Variants in SSBP2 observed in about 807,000 individuals in gnomAD.
The protein encoded by SSBP2 is single stranded DNA binding protein 2.
SSBP2 carries 17 observed loss-of-function variants against 61.8 expected under a neutral mutation model. That is an observed-to-expected ratio of 0.28 (90% confidence interval 0.19 to 0.41). SSBP2 has a LOEUF of 0.41. SSBP2 is among the 10% of genes least tolerant of loss of function. The pLI, the probability that SSBP2 is intolerant of heterozygous loss-of-function variation, is 1.00. For synonymous variants in SSBP2, 139 were observed against 141.3 expected (o/e 0.98, Z 0.12); for missense variants, 310 against 458.7 (o/e 0.68, Z 2.96).
intron 4 of SSBP2, among the ~76,000 whole-genome samples, chr5:81,531,228 G>A (rs1561508140): frequency 8.4e-6 from 1 of 118,666 alleles, no homozygotes; most frequent in Non-Finnish European, 1.7e-5. Context: ...GACCCTGTCT[G>A]GAAAAAAAAA....
chr5:81,643,249 A>T (rs1031732620), intron 2 of SSBP2, among the ~76,000 whole-genome samples: 1 of 152,178 alleles, frequency 6.6e-6, no homozygotes, highest in African/African-American at 2.4e-5. Context: ...GCAGATCCAG[A>T]CCCACTTCCA....
chr5:81,629,763 A>G (rs1747522962), intron 3 of SSBP2, among the ~76,000 whole-genome samples: 2 of 152,206 alleles, frequency 1.3e-5, no homozygotes, highest in South Asian at 4.1e-4. Context: ...TGAAGTTTTG[A>G]TATACATATA....
At chr5:81,601,862 A>G (rs1174628583) in intron 4 of SSBP2, among the ~76,000 whole-genome samples, 2 of 152,182 alleles carry the variant, frequency 1.3e-5, no homozygotes, top group Non-Finnish European at 2.9e-5. Flanking sequence ...CCTGTGAACT[A>G]AAGACACAAA....
In SSBP2 at chr5:81,531,901, C is replaced by T. The variant is rs188131413; in HGVS notation, c.283-18184G>A. Among the ~76,000 whole-genome samples, 437 of 152,152 alleles carry T rather than the reference C, an allele frequency of 2.9e-3. 3 individuals are homozygous for T. Among genetic ancestry groups the T allele is most frequent in the African/African-American group, 0.01 (418 of 41,542 alleles). On this transcript the variant is annotated intron_variant, in intron 4 of 16. Coordinates refer to ENST00000320672, the MANE Select transcript of SSBP2 (RefSeq NM_012446.5). ...GTAAGGAGGATGAGATTATCATCAC[C>T]TACTGGAGAAGAAAGCAGAAATGAG...
chr5:81,715,778 G>A (rs73137678), intron 1 of SSBP2, among the ~76,000 whole-genome samples: 6,803 of 152,232 alleles, frequency 0.045, 197 homozygotes, highest in East Asian at 0.12. Context: ...TAGATGGCCA[G>A]GTGCAGTGTG....
chr5:81,432,975 A>G (rs1262972071), intron 15 of SSBP2, among the ~76,000 whole-genome samples: 1 of 96,372 alleles, frequency 1.0e-5, no homozygotes, highest in Non-Finnish European at 2.2e-5. Flanking sequence ...CCCGTCCGGG[A>G]GGGAGGTGGG....
intron 4 of SSBP2, among the ~76,000 whole-genome samples, chr5:81,573,871 T>C (rs532200367): frequency 6.6e-6 from 1 of 152,318 alleles, no homozygotes; most frequent in Non-Finnish European, 1.5e-5. Flanking sequence ...CCAGGCGCAG[T>C]GGCTCATGCC....
rs1761505764 is a variant in SSBP2 at position 81,420,126 on chromosome 5, A to G, written c.*378T>C. ...TAAACGTGAAAAAAAGGATGGAATAAAAGTCCCTACTTATTTCTACTTAAG... is the reference window on the plus strand; with the variant it reads ...TAAACGTGAAAAAAAGGATGGAATAGAAGTCCCTACTTATTTCTACTTAAG... On this transcript the variant is annotated 3_prime_UTR_variant, in exon 17 of 17. Transcript: ENST00000320672. 2 of 180,550 alleles carry G rather than the reference A, an allele frequency of 1.1e-5. No homozygotes were observed. The highest frequency in any genetic ancestry group is 2.3e-5 in the Non-Finnish European group (2 of 86,956). 11.2% of individuals were successfully genotyped at this position (180,550 alleles called of 1,614,324 possible). A position where few individuals can be genotyped will look rare whatever the true frequency, so the allele number is the denominator to read the frequency against.
chr5:81,694,237 A>G (rs1272625742), intron 1 of SSBP2, among the ~76,000 whole-genome samples: 1 of 152,248 alleles, frequency 6.6e-6, no homozygotes, highest in South Asian at 2.1e-4. Context: ...AGTCAGAATG[A>G]ATAAGACCCA....
chr5:81,627,988 C>T (rs1747341318), intron 3 of SSBP2, among the ~76,000 whole-genome samples: 1 of 151,926 alleles, frequency 6.6e-6, no homozygotes, highest in Admixed American at 6.6e-5. Flanking sequence ...TCACTTAAGC[C>T]CGGGAGATGG....
intron 5 of SSBP2, among the ~76,000 whole-genome samples, chr5:81,505,643 CA>C (rs1768127623): frequency 6.6e-6 from 1 of 152,044 alleles, no homozygotes; most frequent in South Asian, 2.1e-4. Flanking sequence ...GAAGAATTTT[CA>C]ATAATATTTT....
chr5:81,429,644 G>T (rs1762166742), intron 15 of SSBP2, among the ~76,000 whole-genome samples: 1 of 151,526 alleles, frequency 6.6e-6, no homozygotes, highest in African/African-American at 2.4e-5. Flanking sequence ...TTACTTACTG[G>T]CTTACTTTTT....
chr5:81,595,523 G>A (rs983786761), intron 4 of SSBP2, among the ~76,000 whole-genome samples: 14 of 152,066 alleles, frequency 9.2e-5, no homozygotes, highest in Admixed American at 2.0e-4. Flanking sequence ...CCAAAGCCTC[G>A]CAGAGACACA....
intron 4 of SSBP2, among the ~76,000 whole-genome samples, chr5:81,589,918 T>C (rs2153511139): frequency 6.6e-6 from 1 of 152,140 alleles, no homozygotes; most frequent in East Asian, 1.9e-4. Flanking sequence ...CCTTTATGAT[T>C]AGCATTAATC....
chr5:81,711,942 AAATT>A (rs1252867481), intron 1 of SSBP2, among the ~76,000 whole-genome samples: 16 of 151,950 alleles, frequency 1.1e-4, no homozygotes, highest in African/African-American at 3.4e-4. Context: ...GAAATTTTAA[AAATT>A]AATACAGGCC....
At chr5:81,704,710 C>G (rs139017865) in intron 1 of SSBP2, among the ~76,000 whole-genome samples, 1,898 of 148,730 alleles carry the variant, frequency 0.013, 20 homozygotes, top group South Asian at 0.023. Flanking sequence ...GCAGGAGAAC[C>G]GCTTGAACCC....
At chr5:81,665,654 T>C (rs561262992) in intron 1 of SSBP2, among the ~76,000 whole-genome samples, 16 of 152,260 alleles carry the variant, frequency 1.1e-4, no homozygotes, top group Admixed American at 5.9e-4. Context: ...GCACCATGTC[T>C]GGCTAATTTT....
intron 1 of SSBP2, among the ~76,000 whole-genome samples, chr5:81,663,558 C>G (rs10942279): frequency 0.093 from 14,163 of 152,128 alleles, 1,621 homozygotes; most frequent in African/African-American, 0.27. Flanking sequence ...TGTGCCAGTT[C>G]TAGACAACAT....
At chr5:81,709,899 A>G (rs1293856506) in intron 1 of SSBP2, among the ~76,000 whole-genome samples, 2 of 151,974 alleles carry the variant, frequency 1.3e-5, no homozygotes, top group African/African-American at 2.4e-5. Context: ...TCTTCCCTCA[A>G]TTCAATATTT....
Sources: gnomAD v4.1 joint callset for allele counts (sites outside exome capture counted in the v4.1 genomes callset) on GRCh38, gnomAD v4.1.1 for gene constraint, MANE v1.5 for transcripts, NCBI Gene and HGNC (gene_info 2026-07-23, HGNC 2026-07-21) for gene names.